ZNRF1: variants seen among roughly 807,000 people sequenced by gnomAD.
ZNRF1 encodes the protein E3 ubiquitin-protein ligase ZNRF1.
A neutral mutation model predicts 18.4 loss-of-function variants in ZNRF1; 3 were observed. That is an observed-to-expected ratio of 0.16 (90% CI 0.07 to 0.42). The LOEUF (loss-of-function observed/expected upper bound fraction) is 0.42. Ranked by LOEUF, ZNRF1 falls within the 10% of genes least tolerant of loss-of-function variation. The probability of loss-of-function intolerance (pLI) is 0.99; values close to 1 mark genes in which losing one functional copy is unlikely to be tolerated. For missense variants in ZNRF1, 310 were observed against 329.8 expected, an observed-to-expected ratio of 0.94 and a Z score of 0.47; for synonymous variants, 157 against 144.2, an observed-to-expected ratio of 1.09 and a Z score of -0.64.
At position 75,109,430 on chromosome 16, in the gene ZNRF1, T is replaced by A. The variant is rs1336492988; in HGVS notation, c.*1730T>A. Reference sequence around the variant, plus strand: ...CGCCTGATGTGCTGGACCATCCCCCTGCTGCCACGGCCCCTGGCTCCGCAG... The same window carrying A: ...CGCCTGATGTGCTGGACCATCCCCCAGCTGCCACGGCCCCTGGCTCCGCAG... On this transcript the variant is annotated 3_prime_UTR_variant, in exon 5 of 5. Coordinates refer to ENST00000335325, the MANE Select transcript of ZNRF1 (RefSeq NM_032268.5). 6.5e-6 allele frequency: 1 copy of A among 153,438 alleles called. No individual in the cohort carries two copies. The highest frequency in any genetic ancestry group is 1.5e-5 in the Non-Finnish European group (1 of 68,806). 9.5% of individuals were successfully genotyped at this position (153,438 alleles called of 1,614,324 possible). A position where few individuals can be genotyped will look rare whatever the true frequency, so the allele number is the denominator to read the frequency against.
rs1311911189 is a variant in ZNRF1, at chr16:75,097,850, C to T, written c.520+4183C>T. ...AATATAAAATAAAAATGTGAGAGGA[C>T]CTGGCTTCCTGGAAAAGCAGAAATG... On this transcript the variant is annotated intron_variant, in intron 2 of 4. Transcript: ENST00000335325. 2.0e-5 allele frequency among the ~76,000 whole-genome samples: 3 copies of T among 152,162 alleles called. No individual in the cohort carries two copies. The East Asian group carries it at 5.8e-4, about 29-fold the overall frequency.
At chr16:75,002,993 G>T (rs1391917278) in intron 1 of ZNRF1, among the ~76,000 whole-genome samples, 2 of 152,114 alleles carry the variant, frequency 1.3e-5, no homozygotes, top group Non-Finnish European at 2.9e-5. Context: ...CGCTCTTGTT[G>T]CCCAGGCTGG....
Position 75,106,541 on chromosome 16 carries a change from C to G in ZNRF1, c.*2C>G, listed in dbSNP as rs1278293325. 6.2e-7 allele frequency: 1 copy of G among 1,614,092 alleles called. No individual in the cohort carries two copies. On this transcript the variant is annotated 3_prime_UTR_variant, in exon 4 of 5. Transcript: ENST00000335325. ...TGTCCGGAACACCCTGCGGACTGACCTGCGGGCTTGCTTGCTGACTCCTCT... is the reference window on the plus strand; with the variant it reads ...TGTCCGGAACACCCTGCGGACTGACGTGCGGGCTTGCTTGCTGACTCCTCT...
chr16:75,000,882 C>T (rs192605532), intron 1 of ZNRF1, among the ~76,000 whole-genome samples: 11 of 152,300 alleles, frequency 7.2e-5, no homozygotes, highest in Admixed American at 3.9e-4. Flanking sequence ...TATTGCCTGG[C>T]TGTTGGCACA....
At chr16:75,071,098 C>CTTTTTTTTTTT (rs56690008) in intron 1 of ZNRF1, among the ~76,000 whole-genome samples, 1 of 143,468 alleles carries the variant, frequency 7.0e-6, no homozygotes. Flanking sequence ...GCACAGGTGT[C>CTTTTTTTTTTT]TTTTTTTTTT....
intron 1 of ZNRF1, among the ~76,000 whole-genome samples, chr16:75,075,525 ACAG>A (rs1280727059): frequency 6.6e-6 from 1 of 152,226 alleles, no homozygotes; most frequent in Non-Finnish European, 1.5e-5. Context: ...ATGGACTCAG[ACAG>A]CAGGCTGACT....
At chr16:75,043,161 C>T (rs1418040201) in intron 1 of ZNRF1, among the ~76,000 whole-genome samples, 2 of 152,154 alleles carry the variant, frequency 1.3e-5, no homozygotes, top group Non-Finnish European at 2.9e-5. Flanking sequence ...GTTTTAAAGC[C>T]GTATTTATAC....
rs2036344942 is a variant in ZNRF1, at chr16:75,108,633, A to G, written c.*933A>G. The G allele has an allele frequency of 2.5e-6, 1 of 398,814 alleles. No individual in the cohort carries two copies. The highest frequency in any genetic ancestry group is 4.4e-6 in the Non-Finnish European group (1 of 226,046). The allele number at this position is 398,814 out of a possible 1,614,324, so 24.7% of individuals were successfully genotyped here. ...AAAAACTTATAAAATGTTTAAAAAAATGTTCAAAGCTTGGGAGAAAAGCTT... is the reference window on the plus strand; with the variant it reads ...AAAAACTTATAAAATGTTTAAAAAAGTGTTCAAAGCTTGGGAGAAAAGCTT... On this transcript the variant is annotated 3_prime_UTR_variant, in exon 5 of 5. Coordinates refer to ENST00000335325, the MANE Select transcript of ZNRF1 (RefSeq NM_032268.5).
rs560813331 is a variant in ZNRF1, at chr16:75,056,279, G to C, written c.425-37293G>C. On this transcript the variant is annotated intron_variant, in intron 1 of 4. Coordinates refer to ENST00000335325, the MANE Select transcript of ZNRF1 (RefSeq NM_032268.5). The stretch of plus-strand genomic sequence containing the variant: ...AGCCCAGCGTGTAAGCCTAGTGACT[G>C]TGTGTTCATTCACATTTTCATCAGG... 3.0e-4 allele frequency among the ~76,000 whole-genome samples: 46 copies of C among 152,334 alleles called. No homozygotes were observed. The South Asian group carries it at 8.9e-3, about 30-fold the overall frequency.
At chr16:75,101,077 G>A (rs1287376754) in intron 2 of ZNRF1, among the ~76,000 whole-genome samples, 2 of 152,150 alleles carry the variant, frequency 1.3e-5, no homozygotes, top group Non-Finnish European at 2.9e-5. Flanking sequence ...GGGACTACAG[G>A]TGCATGCCAC....
At chr16:75,088,303 C>T (rs990424546) in intron 1 of ZNRF1, among the ~76,000 whole-genome samples, 7 of 152,102 alleles carry the variant, frequency 4.6e-5, no homozygotes, top group African/African-American at 1.7e-4. Flanking sequence ...TCTAGCTGTC[C>T]GTGTTTTTTC....
chr16:75,088,075 T>C (rs1489301228), intron 1 of ZNRF1, among the ~76,000 whole-genome samples: 1 of 152,252 alleles, frequency 6.6e-6, no homozygotes, highest in Non-Finnish European at 1.5e-5. Flanking sequence ...ACTTTTGTTT[T>C]GGAGGGCTGA....
chr16:75,067,487 A>T (rs2035820580), intron 1 of ZNRF1, among the ~76,000 whole-genome samples: 1 of 152,214 alleles, frequency 6.6e-6, no homozygotes, highest in Non-Finnish European at 1.5e-5. Context: ...GGATTTTTTG[A>T]AGAAATCTTA....
intron 1 of ZNRF1, among the ~76,000 whole-genome samples, chr16:75,016,780 G>A (rs879559797): frequency 3.7e-4 from 53 of 142,502 alleles, no homozygotes; most frequent in Non-Finnish European, 7.0e-4. Flanking sequence ...CCTGACCTCA[G>A]GTGATTCACC....
At chr16:75,100,484 C>T (rs1259645199) in intron 2 of ZNRF1, among the ~76,000 whole-genome samples, 1 of 152,208 alleles carries the variant, frequency 6.6e-6, no homozygotes, top group Non-Finnish European at 1.5e-5. Context: ...TCATACCTGC[C>T]TCTCCCTTCC....
intron 1 of ZNRF1, among the ~76,000 whole-genome samples, chr16:75,034,440 T>A (rs2035350748): frequency 6.6e-6 from 1 of 152,204 alleles, no homozygotes; most frequent in South Asian, 2.1e-4. Context: ...TTCTCAAGAT[T>A]TATCCATGTT....
At position 75,094,917 on chromosome 16, in the gene ZNRF1, G is replaced by A. The variant is rs80348997; in HGVS notation, c.520+1250G>A. ...GTAGTGGTTGGAAAAAGAGTTCTGG[G>A]ATTTCTGAGAGCATCTGAGGACTGG... On this transcript the variant is annotated intron_variant, in intron 2 of 4. Coordinates refer to ENST00000335325, the MANE Select transcript of ZNRF1 (RefSeq NM_032268.5). 8.5e-5 allele frequency among the ~76,000 whole-genome samples: 13 copies of A among 152,284 alleles called. No individual in the cohort carries two copies. The East Asian group carries it at 2.5e-3, about 29-fold the overall frequency.
At chr16:75,096,565 G>A (rs1416645829) in intron 2 of ZNRF1, among the ~76,000 whole-genome samples, 1 of 152,142 alleles carries the variant, frequency 6.6e-6, no homozygotes, top group African/African-American at 2.4e-5. Flanking sequence ...AAGGGGGCGA[G>A]GCGGGGCTTT....
chr16:75,036,429 C>T (rs1239170928), intron 1 of ZNRF1, among the ~76,000 whole-genome samples: 2 of 152,136 alleles, frequency 1.3e-5, no homozygotes, highest in Non-Finnish European at 2.9e-5. Context: ...CTACACCGGG[C>T]TTGATGTTGC....
Sources: allele counts gnomAD v4.1 joint callset (sites outside exome capture counted in the v4.1 genomes callset), GRCh38; gene constraint gnomAD v4.1.1; transcripts MANE v1.5; gene names NCBI Gene and HGNC (gene_info 2026-07-23, HGNC 2026-07-21).